The following SLC25A42 variants were observed in gnomAD, a reference collection of about 807,000 sequenced individuals.
The protein encoded by SLC25A42 is solute carrier family 25 member 42, also known as mitochondrial coenzyme A transporter SLC25A42.
Under a neutral mutation model 34.7 loss-of-function variants are expected in SLC25A42, and 19 were observed. The observed-to-expected ratio is 0.55, with a 90% CI of 0.38 to 0.80. The LOEUF is 0.80. Ranked by LOEUF, SLC25A42 falls within the 30% of genes least tolerant of loss-of-function variation. The probability of loss-of-function intolerance (pLI) is 0.00; values close to 1 mark genes in which losing one functional copy is unlikely to be tolerated. For synonymous variants in SLC25A42, 205 were observed against 191.2 expected (o/e 1.07, Z -0.59); for missense variants, 364 against 441.3 (o/e 0.82, Z 1.57).
intron 3 of SLC25A42, among the ~76,000 whole-genome samples, chr19:19,102,701 G>A (rs1172172077): frequency 6.6e-6 from 1 of 151,778 alleles, no homozygotes; most frequent in Non-Finnish European, 1.5e-5. Flanking sequence ...CCAAGGTCGC[G>A]CCATCGCACT....
chr19:19,102,626 C>T (rs2059804016), intron 3 of SLC25A42, among the ~76,000 whole-genome samples: 1 of 152,160 alleles, frequency 6.6e-6, no homozygotes, highest in Non-Finnish European at 1.5e-5. Flanking sequence ...CACCTGCAAT[C>T]CCAGCTACTC....
chr19:19,090,991 G>A (rs1341881340), intron 1 of SLC25A42, among the ~76,000 whole-genome samples: 2 of 152,128 alleles, frequency 1.3e-5, no homozygotes, highest in African/African-American at 4.8e-5. Flanking sequence ...CAGCAAACAC[G>A]GCTCACTCCT....
In SLC25A42 at chr19:19,111,487, C is replaced by T. The variant is rs188241422; in HGVS notation, c.*611C>T. 6.3e-6 allele frequency: 1 copy of T among 158,202 alleles called. No individual in the cohort carries two copies. Among genetic ancestry groups the T allele is most frequent in the Non-Finnish European group, 1.4e-5 (1 of 71,360 alleles). The allele number at this position is 158,202 out of a possible 1,614,324, so 9.8% of individuals were successfully genotyped here. On this transcript the variant is annotated 3_prime_UTR_variant, in exon 8 of 8. Transcript: ENST00000318596. Reference sequence around the variant, plus strand: ...TAGAGCCTCCTGCTGGGAACAGTGTCCCCCAGAGCCTCATGTCTATCCTAG... The same window carrying T: ...TAGAGCCTCCTGCTGGGAACAGTGTTCCCCAGAGCCTCATGTCTATCCTAG...
At chr19:19,100,177 A>G (rs554646192) in intron 2 of SLC25A42, among the ~76,000 whole-genome samples, 2 of 151,998 alleles carry the variant, frequency 1.3e-5, no homozygotes, top group South Asian at 4.2e-4. Context: ...CCTCATTTCT[A>G]CTAAAAATAC....
At chr19:19,070,854 A>G (rs1018880204) in intron 1 of SLC25A42, among the ~76,000 whole-genome samples, 1 of 152,138 alleles carries the variant, frequency 6.6e-6, no homozygotes, top group African/African-American at 2.4e-5. Flanking sequence ...AGAATAGGCC[A>G]ATGGGGTCGG....
rs151183991 is a variant in SLC25A42 at position 19,081,396 on chromosome 19, G to A, written c.-34-14695G>A. Among the ~76,000 whole-genome samples, 4 of 152,250 alleles carry A rather than the reference G, an allele frequency of 2.6e-5. No individual in the cohort carries two copies. Among genetic ancestry groups the A allele is most frequent in the Middle Eastern group, 3.4e-3 (1 of 294 alleles). On this transcript the variant is annotated intron_variant, in intron 1 of 7. Transcript: ENST00000318596. This position sits in a 1 kb window ranked among gnomAD's most constrained non-coding sequence, Gnocchi z 4.5. ...AAGTGTTTCCAGTGCCAGTTGGCCCGTCTGTTTTTAAATAAACAGAAGCAT... is the reference window on the plus strand; with the variant it reads ...AAGTGTTTCCAGTGCCAGTTGGCCCATCTGTTTTTAAATAAACAGAAGCAT...
At chr19:19,088,551 G>A (rs1015984295) in intron 1 of SLC25A42, among the ~76,000 whole-genome samples, 7 of 151,538 alleles carry the variant, frequency 4.6e-5, no homozygotes, top group Admixed American at 3.9e-4. Flanking sequence ...GTGCAATGGC[G>A]CAATCTCAGC....
chr19:19,065,420 TG>T (rs1368177307), intron 1 of SLC25A42, among the ~76,000 whole-genome samples: 1 of 152,110 alleles, frequency 6.6e-6, no homozygotes, highest in African/African-American at 2.4e-5. Context: ...CGAGCCTGGG[TG>T]GTGCTAGGAA....
intron 5 of SLC25A42, chr19:19,106,057 G>A (rs983950310): frequency 2.1e-5 from 12 of 562,814 alleles, no homozygotes; most frequent in South Asian, 9.4e-5. Flanking sequence ...ATGCCAGCAG[G>A]GGGGAAGGGA....
At chr19:19,099,979 C>T (rs570709851) in intron 2 of SLC25A42, among the ~76,000 whole-genome samples, 2 of 151,874 alleles carry the variant, frequency 1.3e-5, no homozygotes, top group South Asian at 2.1e-4. Flanking sequence ...CTGCCCGCCT[C>T]GGCCTCCCAA....
intron 3 of SLC25A42, among the ~76,000 whole-genome samples, chr19:19,102,979 G>T (rs2059806374): frequency 1.3e-5 from 2 of 152,082 alleles, no homozygotes; most frequent in African/African-American, 4.8e-5. Flanking sequence ...GCTTCTGGGG[G>T]CTCCTGGTTC....
At chr19:19,095,783 C>T (rs1336503168) in intron 1 of SLC25A42, among the ~76,000 whole-genome samples, 4 of 152,230 alleles carry the variant, frequency 2.6e-5, no homozygotes, top group African/African-American at 9.6e-5. Context: ...ACCTCGGCCA[C>T]GCTGGCCCCA....
At chr19:19,101,971 G>T in intron 3 of SLC25A42, 85 bp downstream of exon 3, 4 of 828,828 alleles carry the variant, frequency 4.8e-6, no homozygotes, top group Admixed American at 2.8e-5. Context: ...GCTTCAAATT[G>T]GCTTTTATTT....
chr19:19,096,254 T>TGGGGGGCCC, intron 2 of SLC25A42, 49 bp downstream of exon 2: 1 of 1,456,746 alleles, frequency 6.9e-7, no homozygotes, highest in Non-Finnish European at 9.4e-7. Flanking sequence ...GGCCCCAGCC[T>TGGGGGGCCC]CCCCACCCCC....
intron 2 of SLC25A42, among the ~76,000 whole-genome samples, chr19:19,097,986 C>T (rs540927537): frequency 6.0e-5 from 9 of 151,222 alleles, no homozygotes; most frequent in African/African-American, 2.2e-4. Flanking sequence ...AAATACTGAG[C>T]TTCTTCCCAC....
chr19:19,085,601 G>C (rs1247777560), intron 1 of SLC25A42, among the ~76,000 whole-genome samples: 2 of 152,172 alleles, frequency 1.3e-5, no homozygotes, highest in Non-Finnish European at 2.9e-5. Context: ...GGCTGGTCTT[G>C]AACTTCAGGT....
chr19:19,082,060 T>A lies in SLC25A42; in HGVS notation c.-34-14031T>A, dbSNP rs866176479. 2.0e-5 allele frequency among the ~76,000 whole-genome samples: 3 copies of A among 152,112 alleles called. No homozygotes were observed. In the South Asian group the frequency reaches 6.2e-4, roughly 32 times the overall value. ...ATTTGACGTCAGCCTGACGTCCACC[T>A]CCCGTCACTCCCCTGGCCACTGGCC... On this transcript the variant is annotated intron_variant, in intron 1 of 7. Coordinates refer to ENST00000318596, the MANE Select transcript of SLC25A42 (RefSeq NM_178526.5).
At position 19,096,087 on chromosome 19, in the gene SLC25A42, C is replaced by T. The variant is rs76580632; in HGVS notation, c.-34-4C>T. On this transcript the variant is annotated splice_region_variant and splice_polypyrimidine_tract_variant and intron_variant, in intron 1 of 7. Transcript: ENST00000318596. ...TATCTTACCACCTCCCCTTACCCCC[C>T]CAGGACCGAGTCTCCTGCCATTCCG... The T allele has an allele frequency of 4.9e-4, 785 of 1,587,058 alleles. 3 individuals are homozygous for T. The African/African-American group carries it at 9.0e-3, about 18-fold the overall frequency.
Position 19,106,272 on chromosome 19 carries a change from C to G in SLC25A42, c.384C>G (p.Ala128=), listed in dbSNP as rs61740506. 2.5e-6 allele frequency: 4 copies of G among 1,611,206 alleles called. No individual in the cohort carries two copies. The Admixed American group carries it at 6.7e-5, about 27-fold the overall frequency. Residue 128 remains alanine (A), a synonymous_variant, in exon 6 of 8, where the codon GCC becomes GCG. Coordinates refer to ENST00000318596, the MANE Select transcript of SLC25A42 (RefSeq NM_178526.5). ...CTTCTCCTCCTGCCCTGTTCAGAGC[C>G]CTGCCCCCTTGGCCTCGCCTCTTCG... ...LGSYYGFRGE[A]LPPWPRLFAG...
Sources: gnomAD v4.1 joint callset for allele counts (sites outside exome capture counted in the v4.1 genomes callset) on GRCh38, gnomAD v4.1.1 for gene constraint, Gnocchi (gnomAD v3.1) non-coding constraint, MANE v1.5 for transcripts, NCBI Gene and HGNC (gene_info 2026-07-23, HGNC 2026-07-21) for gene names.